Variants in RASGRF2 observed in about 807,000 individuals in gnomAD.
RASGRF2 encodes the protein Ras protein specific guanine nucleotide releasing factor 2.
RASGRF2 carries 76 observed loss-of-function variants against 151.0 expected under a neutral mutation model. That is an observed-to-expected ratio of 0.50 (90% CI 0.42 to 0.61). The LOEUF is 0.61. RASGRF2 is among the 20% of genes least tolerant of loss of function. The pLI is 0.00. For synonymous variants in RASGRF2, 504 were observed against 566.5 expected (o/e 0.89, Z 1.57); for missense variants, 1,148 against 1,564.6 (o/e 0.73, Z 4.49).
At chr5:81,104,946 G>A (rs1752803874) in intron 12 of RASGRF2, among the ~76,000 whole-genome samples, 1 of 152,182 alleles carries the variant, frequency 6.6e-6, no homozygotes, top group Admixed American at 6.5e-5. Context: ...TATGGAAGCT[G>A]ACTGTCTTCC....
chr5:81,209,067 A>C (rs1463520679), intron 22 of RASGRF2, among the ~76,000 whole-genome samples: 1 of 152,190 alleles, frequency 6.6e-6, no homozygotes, highest in African/African-American at 2.4e-5. Context: ...TGAGCAGTAC[A>C]TGTGTCACTG....
At chr5:81,189,287 T>C (rs1449736149) in intron 18 of RASGRF2, among the ~76,000 whole-genome samples, 1 of 152,162 alleles carries the variant, frequency 6.6e-6, no homozygotes, top group Non-Finnish European at 1.5e-5. Flanking sequence ...TGCCCACTGC[T>C]CAGGCACCAC....
chr5:81,014,368 G>C (rs1749563251), intron 1 of RASGRF2, among the ~76,000 whole-genome samples: 1 of 152,184 alleles, frequency 6.6e-6, no homozygotes, highest in Admixed American at 6.5e-5. Flanking sequence ...AGAAGGCAAG[G>C]AGGAGCAAAT....
chr5:81,207,291 G>A lies in RASGRF2; in HGVS notation c.3013G>A (p.Glu1005Lys). ...AECFESLSAM[E>K]LAEQITLLDH... is the part of the protein sequence containing the mutation. ...ATGCTTTGAGTCCTTGTCGGCCATG[G>A]AGCTGGCAGAACAGATCACCCTCCT... is the stretch of plus-strand genomic sequence containing the variant. The change falls in exon 21 of 27, where the codon GAG (glutamate) becomes AAG (lysine). Residue 1005 changes from glutamate (E) to lysine (K), a missense_variant. Glu to Lys is a moderately conservative substitution (Grantham distance 56). Coordinates refer to ENST00000265080, the MANE Select transcript of RASGRF2 (RefSeq NM_006909.3). 1 of 1,614,152 alleles carries A rather than the reference G, an allele frequency of 6.2e-7. No individual in the cohort carries two copies. The highest frequency in any genetic ancestry group is 8.5e-7 in the Non-Finnish European group (1 of 1,180,022).
chr5:81,218,395 C>T (rs1755790428), intron 25 of RASGRF2, among the ~76,000 whole-genome samples: 1 of 152,236 alleles, frequency 6.6e-6, no homozygotes, highest in East Asian at 1.9e-4. Flanking sequence ...GGTGAGGATC[C>T]AGTTTCACTC....
intron 1 of RASGRF2, among the ~76,000 whole-genome samples, chr5:81,001,316 T>G (rs1360251346): frequency 2.6e-5 from 4 of 152,182 alleles, no homozygotes; most frequent in Non-Finnish European, 5.9e-5. Context: ...TTTTGAGCGG[T>G]GAGTTGCCTT....
chr5:80,960,815 G>A lies in RASGRF2; in HGVS notation c.77G>A (p.Arg26His). ...CTGGCGCGCAAGGAGGGCACCAAGC[G>A]CGGCTTCCTGAGTAAGAAGACGGCC... ...AFLARKEGTK[R>H]GFLSKKTAEA... is the part of the protein sequence containing the mutation. Residue 26 changes from arginine to histidine, a missense_variant, in exon 1 of 27, where the codon CGC (arginine) becomes CAC (histidine). Coordinates refer to ENST00000265080, the MANE Select transcript of RASGRF2 (RefSeq NM_006909.3). The surrounding 1 kb of genome is among the most constrained non-coding windows in gnomAD (Gnocchi z 5.5). The A allele has an allele frequency of 6.2e-7, 1 of 1,613,592 alleles. No homozygotes were observed.
intron 18 of RASGRF2, among the ~76,000 whole-genome samples, chr5:81,194,984 C>T (rs993943576): frequency 2.6e-5 from 4 of 152,196 alleles, no homozygotes; most frequent in Non-Finnish European, 5.9e-5. Flanking sequence ...GCGGTTTCTT[C>T]GTTCGAATCC....
intron 9 of RASGRF2, chr5:81,088,668 G>A (rs1053586072): frequency 1.3e-5 from 2 of 152,046 alleles, no homozygotes; most frequent in East Asian, 1.9e-4. Flanking sequence ...GAATGGAGAC[G>A]AAAGTTTCTA....
intron 7 of RASGRF2, among the ~76,000 whole-genome samples, chr5:81,081,302 T>G (rs1475542038): frequency 1.3e-5 from 2 of 152,104 alleles, no homozygotes; most frequent in Non-Finnish European, 2.9e-5. Context: ...AGGACCTCCC[T>G]GGTCACAGAG....
At chr5:81,012,758 C>G (rs1749508942) in intron 1 of RASGRF2, among the ~76,000 whole-genome samples, 1 of 152,000 alleles carries the variant, frequency 6.6e-6, no homozygotes, top group African/African-American at 2.4e-5. Flanking sequence ...TTATTGCTGT[C>G]TAGGGGATCC....
intron 17 of RASGRF2, among the ~76,000 whole-genome samples, chr5:81,174,840 T>C (rs1242687058): frequency 1.3e-5 from 2 of 152,228 alleles, no homozygotes; most frequent in East Asian, 3.8e-4. Context: ...ATATGAAACA[T>C]ATCTGTCTAT....
chr5:81,056,775 A>G (rs1266846873), intron 2 of RASGRF2, among the ~76,000 whole-genome samples: 1 of 152,126 alleles, frequency 6.6e-6, no homozygotes, highest in Non-Finnish European at 1.5e-5. Flanking sequence ...GTCTCTTTGT[A>G]GGTCTCTAAG....
At chr5:81,095,127 G>A (rs559034633) in intron 12 of RASGRF2, 135 bp downstream of exon 12, 5 of 568,474 alleles carry the variant, frequency 8.8e-6, no homozygotes, top group South Asian at 8.8e-5. Context: ...TAATCACTAT[G>A]TATCTTGATA....
chr5:80,986,101 C>T (rs1473633890), intron 1 of RASGRF2, among the ~76,000 whole-genome samples: 11 of 152,134 alleles, frequency 7.2e-5, no homozygotes, highest in African/African-American at 2.4e-4. Flanking sequence ...TGGGATTTAC[C>T]TTTCACATTC....
chr5:81,055,008 A>G (rs540507616), intron 2 of RASGRF2, among the ~76,000 whole-genome samples: 42 of 152,358 alleles, frequency 2.8e-4, no homozygotes, highest in African/African-American at 9.6e-4. Context: ...GTTGCTTATC[A>G]GCTTAAGGAG....
intron 8 of RASGRF2, 54 bp from the exon 9 acceptor site, chr5:81,086,781 G>A (rs1752240071): frequency 6.9e-7 from 1 of 1,442,172 alleles, no homozygotes; most frequent in South Asian, 1.2e-5. Context: ...TTGCCTACAT[G>A]CTAGGGCAAG....
At chr5:81,070,831 A>G (rs146844856) in intron 4 of RASGRF2, among the ~76,000 whole-genome samples, 1 of 152,238 alleles carries the variant, frequency 6.6e-6, no homozygotes, top group Admixed American at 6.5e-5. Flanking sequence ...AGTGGGGTTA[A>G]TTAAGTGCTG....
At chr5:81,129,602 A>G (rs1359427982) in intron 17 of RASGRF2, among the ~76,000 whole-genome samples, 1 of 152,222 alleles carries the variant, frequency 6.6e-6, no homozygotes, top group Non-Finnish European at 1.5e-5. Flanking sequence ...TCCCATCAGA[A>G]TAACAAAAAG....
Sources: gnomAD v4.1 joint callset for allele counts (sites outside exome capture counted in the v4.1 genomes callset) on GRCh38, gnomAD v4.1.1 for gene constraint, Gnocchi (gnomAD v3.1) non-coding constraint, MANE v1.5 for transcripts, NCBI Gene and HGNC (gene_info 2026-07-23, HGNC 2026-07-21) for gene names.